Variants in THEMIS observed in about 807,000 individuals in gnomAD.
THEMIS encodes the protein thymocyte selection associated, also known as protein THEMIS.
A neutral mutation model predicts 52.6 loss-of-function variants in THEMIS; 37 were observed. The ratio of observed to expected loss-of-function variants is 0.70; its 90% CI spans 0.54 to 0.93. THEMIS has a LOEUF of 0.93. Ranked by LOEUF, THEMIS falls within the 40% of genes least tolerant of loss-of-function variation. The probability of loss-of-function intolerance (pLI) is 0.00; values close to 1 mark genes in which losing one functional copy is unlikely to be tolerated. For missense variants in THEMIS, 808 were observed against 763.1 expected, an observed-to-expected ratio of 1.06 and a Z score of -0.69; for synonymous variants, 292 against 272.7, an observed-to-expected ratio of 1.07 and a Z score of -0.70.
chr6:127,725,775 T>C (rs1774523279), intron 4 of THEMIS, among the ~76,000 whole-genome samples: 1 of 152,136 alleles, frequency 6.6e-6, no homozygotes, highest in Admixed American at 6.6e-5. Flanking sequence ...GAGATGCTTC[T>C]GAGCTTGTTC....
chr6:127,799,466 T>C (rs1777446757), intron 4 of THEMIS, among the ~76,000 whole-genome samples: 1 of 152,194 alleles, frequency 6.6e-6, no homozygotes, highest in South Asian at 2.1e-4. Flanking sequence ...AGTCAGTAGA[T>C]GGTGGTGGCA....
At chr6:127,833,994 A>C (rs1778788453) in intron 2 of THEMIS, among the ~76,000 whole-genome samples, 1 of 152,196 alleles carries the variant, frequency 6.6e-6, no homozygotes, top group African/African-American at 2.4e-5. Flanking sequence ...AAATAATAAT[A>C]GTCTGAACTG....
intron 4 of THEMIS, among the ~76,000 whole-genome samples, chr6:127,748,179 A>G (rs1775514382): frequency 6.6e-6 from 1 of 152,098 alleles, no homozygotes; most frequent in Non-Finnish European, 1.5e-5. Context: ...GAGTTTATTC[A>G]CTTGAAGAAT....
intron 1 of THEMIS, among the ~76,000 whole-genome samples, chr6:127,907,754 C>T (rs1387253917): frequency 1.3e-5 from 2 of 151,962 alleles, no homozygotes; most frequent in African/African-American, 2.4e-5. Context: ...AAAAATGTTC[C>T]CAGTGCCATA....
At chr6:127,719,602 A>G (rs1774291243) in intron 5 of THEMIS, 86 bp downstream of exon 5, 1 of 1,270,918 alleles carries the variant, frequency 7.9e-7, no homozygotes, top group Non-Finnish European at 1.1e-6. Context: ...TCCAAATAAA[A>G]TAATAGTAAG....
chr6:127,835,923 T>C (rs929651570), intron 2 of THEMIS, among the ~76,000 whole-genome samples: 2 of 152,170 alleles, frequency 1.3e-5, no homozygotes, highest in African/African-American at 4.8e-5. Context: ...ATCATAATTT[T>C]ATGCCCATAA....
At chr6:127,754,603 G>A (rs1052890499) in intron 4 of THEMIS, among the ~76,000 whole-genome samples, 4 of 152,068 alleles carry the variant, frequency 2.6e-5, no homozygotes, top group Non-Finnish European at 4.4e-5. Context: ...TCCTCCATTC[G>A]GTTTCACAGG....
At chr6:127,774,263 T>G (rs1218006867) in intron 4 of THEMIS, among the ~76,000 whole-genome samples, 3 of 152,246 alleles carry the variant, frequency 2.0e-5, no homozygotes, top group Non-Finnish European at 4.4e-5. Context: ...TGGAGTGCAG[T>G]GGCGCCATCT....
intron 4 of THEMIS, among the ~76,000 whole-genome samples, chr6:127,763,234 A>G (rs1027279640): frequency 2.0e-5 from 3 of 152,042 alleles, no homozygotes; most frequent in Admixed American, 6.6e-5. Context: ...GCACTCACCA[A>G]TGAATTCTCT....
chr6:127,916,471 A>T (rs1435890587), intron 1 of THEMIS, among the ~76,000 whole-genome samples: 4 of 152,102 alleles, frequency 2.6e-5, no homozygotes, highest in African/African-American at 9.7e-5. Flanking sequence ...TCCTATCCCA[A>T]CCTCTGTTCA....
intron 1 of THEMIS, among the ~76,000 whole-genome samples, chr6:127,891,863 C>T (rs1003341930): frequency 1.3e-5 from 2 of 152,120 alleles, no homozygotes; most frequent in African/African-American, 4.8e-5. Flanking sequence ...TGTTCTTCTC[C>T]CTGCTTTATA....
intron 4 of THEMIS, among the ~76,000 whole-genome samples, chr6:127,724,074 G>C (rs1774455602): frequency 6.6e-6 from 1 of 151,990 alleles, no homozygotes; most frequent in Admixed American, 6.6e-5. Flanking sequence ...CCAGTATATA[G>C]TCACACTCAC....
intron 4 of THEMIS, among the ~76,000 whole-genome samples, chr6:127,757,617 G>A (rs1000798878): frequency 1.3e-5 from 2 of 152,016 alleles, no homozygotes; most frequent in Non-Finnish European, 2.9e-5. Context: ...CGATTAGCTG[G>A]GACTACAGGC....
At chr6:127,817,440 G>GTTT (rs1310616600) in intron 3 of THEMIS, among the ~76,000 whole-genome samples, 1 of 152,042 alleles carries the variant, frequency 6.6e-6, no homozygotes, top group East Asian at 1.9e-4. Context: ...CTTAAACAAT[G>GTTT]GCCTGTTCAA....
chr6:127,873,325 A>C (rs1294684659), intron 1 of THEMIS, among the ~76,000 whole-genome samples: 1 of 152,206 alleles, frequency 6.6e-6, no homozygotes. Context: ...AAGGAACTAG[A>C]CACGCTAAAA....
chr6:127,830,497 G>T (rs1778664061), intron 2 of THEMIS, among the ~76,000 whole-genome samples: 1 of 151,718 alleles, frequency 6.6e-6, no homozygotes, highest in South Asian at 2.1e-4. Flanking sequence ...ACCAACTTTG[G>T]CAATGTGGCA....
chr6:127,720,747 G>A (rs1322533017), intron 4 of THEMIS, among the ~76,000 whole-genome samples: 2 of 151,932 alleles, frequency 1.3e-5, no homozygotes, highest in African/African-American at 4.8e-5. Flanking sequence ...CACTTTTAAA[G>A]CTTGAGAAAG....
At chr6:127,710,783 G>A (rs1773949240) in intron 5 of THEMIS, among the ~76,000 whole-genome samples, 1 of 151,892 alleles carries the variant, frequency 6.6e-6, no homozygotes, top group South Asian at 2.1e-4. Context: ...CACTACAAGT[G>A]GTCAAGAGGA....
At chr6:127,891,436 T>C (rs1780802251) in intron 1 of THEMIS, among the ~76,000 whole-genome samples, 1 of 148,826 alleles carries the variant, frequency 6.7e-6, no homozygotes, top group Middle Eastern at 3.6e-3. Context: ...CTCGTGAGAC[T>C]GAGACAGGAA....
Sources: gnomAD v4.1 joint callset for allele counts (sites outside exome capture counted in the v4.1 genomes callset) on GRCh38, gnomAD v4.1.1 for gene constraint, MANE v1.5 for transcripts, NCBI Gene and HGNC (gene_info 2026-07-23, HGNC 2026-07-21) for gene names.